PCSK2: variants seen among roughly 807,000 people sequenced by gnomAD.
The protein encoded by PCSK2 is proprotein convertase subtilisin/kexin type 2.
Under a neutral mutation model 69.7 loss-of-function variants are expected in PCSK2, and 14 were observed. The ratio of observed to expected loss-of-function variants is 0.20; its 90% CI spans 0.13 to 0.31. The LOEUF (loss-of-function observed/expected upper bound fraction) is 0.31, where lower values mean the gene tolerates loss of function less well. Among genes scored for constraint, PCSK2 ranks in the 10% least tolerant of loss-of-function variants. The pLI is 1.00. For missense variants in PCSK2, 544 were observed against 842.5 expected, an observed-to-expected ratio of 0.65 and a Z score of 4.39; for synonymous variants, 307 against 320.7, an observed-to-expected ratio of 0.96 and a Z score of 0.46.
intron 1 of PCSK2, among the ~76,000 whole-genome samples, chr20:17,244,942 C>T (rs1025020589): frequency 2.6e-5 from 4 of 152,144 alleles, no homozygotes; most frequent in African/African-American, 9.7e-5. Context: ...GCCAGATCCT[C>T]GCCACCTTCT....
intron 2 of PCSK2, among the ~76,000 whole-genome samples, chr20:17,346,069 C>G (rs767362056): frequency 6.6e-6 from 1 of 152,322 alleles, no homozygotes; most frequent in East Asian, 1.9e-4. Context: ...ATGAGGCCCC[C>G]CTCCGGCACA....
chr20:17,473,982 C>T (rs2033248390), intron 11 of PCSK2, among the ~76,000 whole-genome samples: 4 of 152,140 alleles, frequency 2.6e-5, no homozygotes, highest in Admixed American at 6.5e-5. Flanking sequence ...CCAGACTCCT[C>T]AGCCAACGTG....
In PCSK2 at chr20:17,260,270, T is replaced by C; in HGVS notation, c.208T>C (p.Tyr70His). ...LPFAEGLYHF[Y>H]HNGLAKAKRR... ...CTTTGCTGAAGGTCTGTACCACTTTTATCACAATGGCCTTGCAAAGGCCAA... is the reference window on the plus strand; with the variant it reads ...CTTTGCTGAAGGTCTGTACCACTTTCATCACAATGGCCTTGCAAAGGCCAA... The change falls in exon 2 of 12, where the codon TAT becomes CAT. Residue 70 changes from tyrosine to histidine, a missense_variant. By Grantham distance (83) the Tyr-to-His change is moderately conservative (BLOSUM62 2). This residue lies in a region of PCSK2 where 157 missense variants were observed against 155.0 expected (regional missense o/e 1.01). Coordinates refer to ENST00000262545, the MANE Select transcript of PCSK2 (RefSeq NM_002594.5). 1 of 1,613,606 alleles carries C rather than the reference T, an allele frequency of 6.2e-7. No homozygotes were observed. The highest frequency in any genetic ancestry group is 8.5e-7 in the Non-Finnish European group (1 of 1,179,592).
At chr20:17,265,998 T>C (rs1056832078) in intron 2 of PCSK2, among the ~76,000 whole-genome samples, 1 of 152,232 alleles carries the variant, frequency 6.6e-6, no homozygotes, top group Non-Finnish European at 1.5e-5. Context: ...TTGATACTGC[T>C]TATGAATCTG....
At chr20:17,303,500 A>ATATTATATATTAT (rs1555786543) in intron 2 of PCSK2, among the ~76,000 whole-genome samples, 1 of 36,010 alleles carries the variant, frequency 2.8e-5, no homozygotes, top group East Asian at 2.2e-3. Flanking sequence ...TATTTAATAT[A>ATATTATATATTAT]ATATATATTA....
rs957565856 is a variant in PCSK2, at chr20:17,481,867, C to G, written c.1714C>G (p.Leu572Val). Residue 572 changes from leucine (L) to valine (V), a missense_variant, in exon 12 of 12, where the codon CTG becomes GTG. This residue lies in a region of PCSK2 where 200 missense variants were observed against 287.8 expected (regional missense o/e 0.69). Transcript: ENST00000262545. ...EDARGTWTLE[L>V]GFVGSAPQKG... The stretch of plus-strand genomic sequence containing the variant: ...CGCCCGAGGCACCTGGACCCTGGAG[C>G]TGGGATTTGTCGGCAGCGCCCCGCA... The G allele has an allele frequency of 8.7e-6, 14 of 1,613,904 alleles. No individual in the cohort carries two copies. The highest frequency in any genetic ancestry group is 1.2e-5 in the Non-Finnish European group (14 of 1,179,966).
intron 2 of PCSK2, among the ~76,000 whole-genome samples, chr20:17,333,927 A>ATATATATATATATATATATATATG (rs1568606924): frequency 1.4e-5 from 2 of 140,196 alleles, no homozygotes; most frequent in Non-Finnish European, 3.1e-5. Context: ...ATATATATAT[A>ATATATATATATATATATATATATG]TATATATATG....
At chr20:17,478,161 C>T (rs2033324281) in intron 11 of PCSK2, among the ~76,000 whole-genome samples, 1 of 152,126 alleles carries the variant, frequency 6.6e-6, no homozygotes, top group Non-Finnish European at 1.5e-5. Context: ...CAGTTAAGTG[C>T]TTTTCATTTT....
chr20:17,473,086 T>G (rs994911820), intron 11 of PCSK2, among the ~76,000 whole-genome samples: 1 of 130,172 alleles, frequency 7.7e-6, no homozygotes, highest in South Asian at 2.5e-4. Flanking sequence ...AAAGAAGAAC[T>G]CTTTTTTTTT....
chr20:17,372,176 G>A (rs569653264), intron 5 of PCSK2, among the ~76,000 whole-genome samples: 114 of 152,140 alleles, frequency 7.5e-4, no homozygotes, highest in African/African-American at 2.6e-3. Context: ...TCAGGAGATT[G>A]AGACCATACT....
chr20:17,361,632 T>A (rs765439975), intron 4 of PCSK2, among the ~76,000 whole-genome samples: 3 of 152,194 alleles, frequency 2.0e-5, no homozygotes. Context: ...TTCCTTAAAG[T>A]GAGGCTTTGA....
At chr20:17,273,348 TA>T (rs1259275644) in intron 2 of PCSK2, among the ~76,000 whole-genome samples, 4 of 152,134 alleles carry the variant, frequency 2.6e-5, no homozygotes, top group Non-Finnish European at 5.9e-5. Context: ...TACCATTAAA[TA>T]ACAATGAAAG....
intron 1 of PCSK2, among the ~76,000 whole-genome samples, chr20:17,229,673 C>G (rs1047843130): frequency 6.6e-6 from 1 of 151,882 alleles, no homozygotes; most frequent in African/African-American, 2.4e-5. Context: ...CAGGTAGTAC[C>G]CCACAACCAA....
rs533744405 is a variant in PCSK2, at chr20:17,482,240, T to A, written c.*170T>A. 1 of 593,756 alleles carries A rather than the reference T, an allele frequency of 1.7e-6. No individual in the cohort carries two copies. Among genetic ancestry groups the A allele is most frequent in the African/African-American group, 1.9e-5 (1 of 53,802 alleles). The allele number at this position is 593,756 out of a possible 1,614,324, so 36.8% of individuals were successfully genotyped here. ...ATTATTTTCATTACAATGGAAACAA[T>A]CTTTTTTACTCTATGCCCCAAATAT... On this transcript the variant is annotated 3_prime_UTR_variant, in exon 12 of 12. Coordinates refer to ENST00000262545, the MANE Select transcript of PCSK2 (RefSeq NM_002594.5).
chr20:17,236,918 G>C (rs1394513444), intron 1 of PCSK2, among the ~76,000 whole-genome samples: 2 of 152,130 alleles, frequency 1.3e-5, no homozygotes, highest in Non-Finnish European at 2.9e-5. Context: ...GTTAGGATGG[G>C]GGCTTCAAGG....
chr20:17,269,499 A>C (rs1426154240), intron 2 of PCSK2, among the ~76,000 whole-genome samples: 1 of 152,152 alleles, frequency 6.6e-6, no homozygotes, highest in Non-Finnish European at 1.5e-5. Context: ...TAGAGGTATC[A>C]ATGTTTCTTC....
chr20:17,324,460 T>C (rs1460735822), intron 2 of PCSK2, among the ~76,000 whole-genome samples: 1 of 152,146 alleles, frequency 6.6e-6, no homozygotes, highest in Non-Finnish European at 1.5e-5. Flanking sequence ...AGAAAATGAA[T>C]TTATTACAAG....
At chr20:17,461,137 A>G (rs2033007494) in intron 10 of PCSK2, among the ~76,000 whole-genome samples, 1 of 152,156 alleles carries the variant, frequency 6.6e-6, no homozygotes. Flanking sequence ...TTCCTCAAAC[A>G]TGATGCACAA....
intron 6 of PCSK2, among the ~76,000 whole-genome samples, chr20:17,422,193 G>A (rs940776765): frequency 3.9e-5 from 6 of 152,076 alleles, no homozygotes; most frequent in African/African-American, 9.7e-5. Flanking sequence ...GTTAATTATC[G>A]AATTGAAGAT....
Sources: gnomAD v4.1 joint callset for allele counts (sites outside exome capture counted in the v4.1 genomes callset) on GRCh38, gnomAD v4.1.1 for gene constraint, gnomAD v4.1.1 regional missense constraint, MANE v1.5 for transcripts, NCBI Gene and HGNC (gene_info 2026-07-23, HGNC 2026-07-21) for gene names.